The following MAP3K7 variants were observed in gnomAD, a reference collection of about 807,000 sequenced individuals.
MAP3K7 encodes the protein mitogen-activated protein kinase kinase kinase 7, also known as TGF-beta activated kinase 1.
Under a neutral mutation model 84.8 loss-of-function variants are expected in MAP3K7, and 21 were observed. The ratio of observed to expected loss-of-function variants is 0.25; its 90% CI spans 0.18 to 0.36. The LOEUF is 0.36. Ranked by LOEUF, MAP3K7 falls within the 10% of genes least tolerant of loss-of-function variation. The pLI, the probability that MAP3K7 is intolerant of heterozygous loss-of-function variation, is 1.00. For synonymous variants in MAP3K7, 241 were observed against 247.7 expected, an observed-to-expected ratio of 0.97 and a Z score of 0.25; for missense variants, 503 against 747.7, an observed-to-expected ratio of 0.67 and a Z score of 3.82.
chr6:90,555,636 A>C (rs1776313401), intron 6 of MAP3K7, among the ~76,000 whole-genome samples: 1 of 152,198 alleles, frequency 6.6e-6, no homozygotes, highest in African/African-American at 2.4e-5. Context: ...ACAAAAGCAC[A>C]GTTAATTCTC....
chr6:90,574,956 C>T (rs1019471918), intron 1 of MAP3K7, among the ~76,000 whole-genome samples: 7 of 152,166 alleles, frequency 4.6e-5, no homozygotes, highest in Non-Finnish European at 7.3e-5. Flanking sequence ...AGATATTTCA[C>T]ATGCACAGTG....
At chr6:90,535,407 GTAA>G (rs924410689) in intron 13 of MAP3K7, among the ~76,000 whole-genome samples, 5 of 151,830 alleles carry the variant, frequency 3.3e-5, no homozygotes, top group Admixed American at 6.6e-5. Flanking sequence ...GGGTCACGAT[GTAA>G]TAATTTCATT....
At position 90,560,058 on chromosome 6, in the gene MAP3K7, C is replaced by G; in HGVS notation, c.482+18G>C. 1 of 1,614,052 alleles carries G rather than the reference C, an allele frequency of 6.2e-7. No individual in the cohort carries two copies. The highest frequency in any genetic ancestry group is 8.5e-7 in the Non-Finnish European group (1 of 1,179,996). ...GAAGGAGGAAGAGGCTGAGGGGTGT[C>G]ACATTATTATAACTTACTTTGGTGG... On this transcript the variant is annotated intron_variant, in intron 5 of 16. Transcript: ENST00000369329.
intron 13 of MAP3K7, among the ~76,000 whole-genome samples, chr6:90,534,205 C>T (rs806284): frequency 6.6e-6 from 1 of 152,106 alleles, no homozygotes; most frequent in South Asian, 2.1e-4. Context: ...AAGGATGGCA[C>T]CTTCCAATTT....
At chr6:90,529,981 C>A (rs1388470196) in intron 13 of MAP3K7, among the ~76,000 whole-genome samples, 1 of 152,170 alleles carries the variant, frequency 6.6e-6, no homozygotes, top group African/African-American at 2.4e-5. Context: ...ATAACAACGA[C>A]ATACACCAAA....
At chr6:90,548,320 C>A in intron 9 of MAP3K7, 143 bp from the exon 10 acceptor site, 1 of 672,704 alleles carries the variant, frequency 1.5e-6, no homozygotes, top group Non-Finnish European at 2.3e-6. Context: ...TGAAGATATC[C>A]AAACAAACCC....
chr6:90,584,215 T>C (rs1303049204), intron 1 of MAP3K7, among the ~76,000 whole-genome samples: 1 of 152,166 alleles, frequency 6.6e-6, no homozygotes, highest in Non-Finnish European at 1.5e-5. Context: ...TATCTTACAA[T>C]TGAACTGGAA....
At chr6:90,523,195 T>C (rs1214190146) in intron 14 of MAP3K7, among the ~76,000 whole-genome samples, 1 of 152,172 alleles carries the variant, frequency 6.6e-6, no homozygotes, top group Non-Finnish European at 1.5e-5. Flanking sequence ...ATGGTGTCTC[T>C]TATCAGTTAA....
At chr6:90,547,967 G>A (rs2127972064) in intron 10 of MAP3K7, 80 bp downstream of exon 10, 1 of 1,133,098 alleles carries the variant, frequency 8.8e-7, no homozygotes, top group Non-Finnish European at 1.2e-6. Context: ...AATAGAAGAT[G>A]GTAAATAATT....
chr6:90,541,714 T>C (rs753539430), intron 12 of MAP3K7, among the ~76,000 whole-genome samples: 7 of 152,114 alleles, frequency 4.6e-5, no homozygotes, highest in East Asian at 3.9e-4. Flanking sequence ...TTTTGCTAAG[T>C]TGCTTTTTCT....
intron 1 of MAP3K7, among the ~76,000 whole-genome samples, chr6:90,572,993 G>A (rs1030721541): frequency 3.3e-5 from 5 of 152,182 alleles, no homozygotes; most frequent in African/African-American, 1.2e-4. Context: ...CAAAAAATCT[G>A]CATCTCTTAA....
chr6:90,585,317 T>TA (rs1195923142), intron 1 of MAP3K7, among the ~76,000 whole-genome samples: 2 of 152,198 alleles, frequency 1.3e-5, no homozygotes. Flanking sequence ...CTTTATGTGA[T>TA]AAAACATATA....
chr6:90,571,155 C>T (rs1421308654), intron 2 of MAP3K7, among the ~76,000 whole-genome samples: 1 of 151,974 alleles, frequency 6.6e-6, no homozygotes, highest in African/African-American at 2.4e-5. Context: ...ATCCAAAATA[C>T]AAAATAACAA....
At chr6:90,517,324 G>A (rs1282274612) in intron 16 of MAP3K7, among the ~76,000 whole-genome samples, 1 of 151,870 alleles carries the variant, frequency 6.6e-6, no homozygotes, top group African/African-American at 2.4e-5. Flanking sequence ...TCCCGAAAAA[G>A]ATGCATCTTT....
At chr6:90,584,784 A>G (rs1342650244) in intron 1 of MAP3K7, among the ~76,000 whole-genome samples, 2 of 152,194 alleles carry the variant, frequency 1.3e-5, no homozygotes, top group Non-Finnish European at 2.9e-5. Flanking sequence ...GTCTACAAGC[A>G]TAGCAATTCA....
chr6:90,548,169 T>C lies in MAP3K7; in HGVS notation c.958A>G (p.Met320Val). ...SNSATSTGSF[M>V]DIASTNTSNK... is the part of the protein sequence containing the mutation. ...CTCGTATTTGTAGAAGCAATGTCCA[T>C]GAATGAGCCTAGGAAAAGCAGAAAC... Residue 320 changes from methionine to valine, a missense_variant, in exon 10 of 17, where the codon ATG becomes GTG. Physicochemically the swap from Met to Val is conservative, Grantham distance 21. Coordinates refer to ENST00000369329, the MANE Select transcript of MAP3K7 (RefSeq NM_145331.3). The C allele has an allele frequency of 6.2e-7, 1 of 1,608,530 alleles. No individual in the cohort carries two copies. Among genetic ancestry groups the C allele is most frequent in the Non-Finnish European group, 8.5e-7 (1 of 1,177,816 alleles).
At chr6:90,542,505 T>A in intron 12 of MAP3K7, 2 of 985,092 alleles carry the variant, frequency 2.0e-6, no homozygotes, top group Non-Finnish European at 2.4e-6. Flanking sequence ...TCTCCCTGGC[T>A]GAAGAGCTCT....
rs569459726 is a variant in MAP3K7 at position 90,580,455 on chromosome 6, G to C, written c.120+6309C>G. On this transcript the variant is annotated intron_variant, in intron 1 of 16. Transcript: ENST00000369329. ...CTTTTCTGAATAATACAGTTTATTTGACACACTGTAATTAACAATTAGGTT... is the reference window on the plus strand; with the variant it reads ...CTTTTCTGAATAATACAGTTTATTTCACACACTGTAATTAACAATTAGGTT... 2.6e-5 allele frequency among the ~76,000 whole-genome samples: 4 copies of C among 152,248 alleles called. 1 individual carries two copies. The highest frequency in any genetic ancestry group is 9.6e-5 in the African/African-American group (4 of 41,556).
At position 90,573,336 on chromosome 6, in the gene MAP3K7, T is replaced by C. The variant is rs570927481; in HGVS notation, c.121-1529A>G. Among the ~76,000 whole-genome samples the C allele has an allele frequency of 1.1e-4, 16 of 152,304 alleles. No homozygotes were observed. In the South Asian group the frequency reaches 3.1e-3, roughly 30 times the overall value. Reference sequence around the variant, plus strand: ...AAATTCCTGGCACAAAACTCTTCTATAACAAAGTTGACTATAACTAGGTTG... The same window carrying C: ...AAATTCCTGGCACAAAACTCTTCTACAACAAAGTTGACTATAACTAGGTTG... On this transcript the variant is annotated intron_variant, in intron 1 of 16. Coordinates refer to ENST00000369329, the MANE Select transcript of MAP3K7 (RefSeq NM_145331.3).
Sources: gnomAD v4.1 joint callset for allele counts (sites outside exome capture counted in the v4.1 genomes callset) on GRCh38, gnomAD v4.1.1 for gene constraint, MANE v1.5 for transcripts, NCBI Gene and HGNC (gene_info 2026-07-23, HGNC 2026-07-21) for gene names.